Variants in GRM7 observed in about 807,000 individuals in gnomAD.
The protein encoded by GRM7 is metabotropic glutamate receptor 7.
Under a neutral mutation model 84.5 loss-of-function variants are expected in GRM7, and 35 were observed. That is an observed-to-expected ratio of 0.41 (90% CI 0.32 to 0.55). The LOEUF is 0.55. Among genes scored for constraint, GRM7 ranks in the 20% least tolerant of loss-of-function variants. The pLI is 0.19. For synonymous variants in GRM7, 487 were observed against 455.1 expected (o/e 1.07, Z -0.89); for missense variants, 1,003 against 1,194.6 (o/e 0.84, Z 2.36).
At chr3:7,369,894 A>C (rs1411070486) in intron 4 of GRM7, among the ~76,000 whole-genome samples, 1 of 152,182 alleles carries the variant, frequency 6.6e-6, no homozygotes, top group South Asian at 2.1e-4. Flanking sequence ...TCTGGTTTAC[A>C]GTATTTTTCT....
At chr3:7,400,673 T>A (rs1559295512) in intron 4 of GRM7, among the ~76,000 whole-genome samples, 1 of 152,184 alleles carries the variant, frequency 6.6e-6, no homozygotes, top group Non-Finnish European at 1.5e-5. Context: ...ATGTGTATCA[T>A]TCTATCCTGG....
intron 8 of GRM7, among the ~76,000 whole-genome samples, chr3:7,637,017 A>G (rs1329090091): frequency 6.6e-6 from 1 of 152,156 alleles, no homozygotes; most frequent in African/African-American, 2.4e-5. Context: ...GCATGAGAAT[A>G]CTCCAGATGA....
chr3:7,481,482 A>T (rs1252566673), intron 7 of GRM7, among the ~76,000 whole-genome samples: 2 of 152,198 alleles, frequency 1.3e-5, no homozygotes, highest in Non-Finnish European at 2.9e-5. Flanking sequence ...AGCAAGTAAG[A>T]TAAGCTTGAG....
At chr3:7,393,518 CCTTA>C (rs1466035783) in intron 4 of GRM7, among the ~76,000 whole-genome samples, 1 of 152,184 alleles carries the variant, frequency 6.6e-6, no homozygotes, top group African/African-American at 2.4e-5. Context: ...TGGAACCTCT[CCTTA>C]CTTATTTCTG....
At chr3:7,634,719 G>A (rs2875287) in intron 8 of GRM7, among the ~76,000 whole-genome samples, 104,238 of 150,826 alleles carry the variant, frequency 0.69, 36,244 homozygotes, top group South Asian at 0.83. Context: ...GCGTGAACCC[G>A]GGAGGCAGAG....
chr3:7,262,802 A>G (rs1207843432), intron 2 of GRM7, among the ~76,000 whole-genome samples: 3 of 152,200 alleles, frequency 2.0e-5, no homozygotes, highest in South Asian at 4.1e-4. Flanking sequence ...GGTTCAAGCA[A>G]TTGTGCTGCC....
At chr3:7,279,678 T>C (rs1280133489) in intron 2 of GRM7, among the ~76,000 whole-genome samples, 2 of 152,170 alleles carry the variant, frequency 1.3e-5, no homozygotes, top group Non-Finnish European at 2.9e-5. Flanking sequence ...ACCTGAGACC[T>C]TCATGCCTTC....
At chr3:6,898,146 G>A (rs755818761) in intron 1 of GRM7, among the ~76,000 whole-genome samples, 10 of 152,236 alleles carry the variant, frequency 6.6e-5, no homozygotes, top group Admixed American at 4.6e-4. Flanking sequence ...GAAAGAATTC[G>A]AAAGGGCTGA....
intron 3 of GRM7, among the ~76,000 whole-genome samples, chr3:7,304,079 C>T (rs538489843): frequency 4.6e-5 from 7 of 151,986 alleles, no homozygotes; most frequent in South Asian, 2.1e-4. Context: ...ATGCATCATA[C>T]GTGGTAAAGA....
intron 1 of GRM7, among the ~76,000 whole-genome samples, chr3:7,047,976 A>T (rs1696860313): frequency 6.6e-6 from 1 of 151,994 alleles, no homozygotes; most frequent in South Asian, 2.1e-4. Context: ...TTAGGTATTG[A>T]CAATGTGAAG....
At chr3:6,914,690 C>T (rs762714978) in intron 1 of GRM7, among the ~76,000 whole-genome samples, 37 of 151,968 alleles carry the variant, frequency 2.4e-4, no homozygotes, top group African/African-American at 8.0e-4. Flanking sequence ...TGTGAGCCAC[C>T]GTGCCCGGCC....
At chr3:7,282,190 G>A (rs1001149127) in intron 2 of GRM7, among the ~76,000 whole-genome samples, 1 of 152,194 alleles carries the variant, frequency 6.6e-6, no homozygotes, top group African/African-American at 2.4e-5. Flanking sequence ...CTGTCAAGAT[G>A]TATCTTGAAA....
chr3:7,708,812 G>A (rs1701486447), intron 9 of GRM7, among the ~76,000 whole-genome samples: 1 of 151,796 alleles, frequency 6.6e-6, no homozygotes, highest in Admixed American at 6.6e-5. Context: ...GTTGGCTTGG[G>A]GTTAGGGTGG....
At position 7,202,722 on chromosome 3, in the gene GRM7, A is replaced by C. The variant is rs1696106372; in HGVS notation, c.736+56054A>C. ...TTATTTTGAACTTTATTGAAGATATAATCATTAACTCAAACATGTCCTAGA... is the reference window on the plus strand; with the variant it reads ...TTATTTTGAACTTTATTGAAGATATCATCATTAACTCAAACATGTCCTAGA... On this transcript the variant is annotated intron_variant, in intron 2 of 9. Transcript: ENST00000357716. 2.0e-5 allele frequency among the ~76,000 whole-genome samples: 3 copies of C among 152,188 alleles called. No individual in the cohort carries two copies. In the South Asian group the frequency reaches 6.2e-4, roughly 31 times the overall value.
intron 1 of GRM7, among the ~76,000 whole-genome samples, chr3:6,975,424 A>G (rs924602015): frequency 2.0e-5 from 3 of 152,182 alleles, no homozygotes; most frequent in African/African-American, 4.8e-5. Context: ...CCCACTTTCT[A>G]CCTGTACAAG....
At chr3:6,871,757 T>G (rs1295017771) in intron 1 of GRM7, among the ~76,000 whole-genome samples, 3 of 152,138 alleles carry the variant, frequency 2.0e-5, no homozygotes, top group Non-Finnish European at 4.4e-5. Flanking sequence ...TAATTGTAAT[T>G]ATAACACATT....
chr3:7,101,175 C>G (rs1312029280), intron 1 of GRM7, among the ~76,000 whole-genome samples: 2 of 151,818 alleles, frequency 1.3e-5, no homozygotes, highest in East Asian at 1.9e-4. Flanking sequence ...TAAAAACTCC[C>G]AAACTGTTAT....
chr3:7,302,931 ATTTTTTT>A (rs761399796), intron 3 of GRM7, among the ~76,000 whole-genome samples: 26 of 121,922 alleles, frequency 2.1e-4, no homozygotes, highest in South Asian at 1.7e-3. Flanking sequence ...TGATTGTTCT[ATTTTTTT>A]TTTTTTTTTT....
intron 9 of GRM7, among the ~76,000 whole-genome samples, chr3:7,696,381 G>A (rs974061799): frequency 6.6e-6 from 1 of 152,124 alleles, no homozygotes; most frequent in African/African-American, 2.4e-5. Context: ...TCTTGAAAAG[G>A]AGGCAAGATG....
Sources: allele counts gnomAD v4.1 joint callset (sites outside exome capture counted in the v4.1 genomes callset), GRCh38; gene constraint gnomAD v4.1.1; transcripts MANE v1.5; gene names NCBI Gene and HGNC (gene_info 2026-07-23, HGNC 2026-07-21).